Variants in FIGN observed in about 807,000 individuals in gnomAD.
FIGN encodes the protein fidgetin.
In FIGN, 11 loss-of-function variants were observed where a neutral mutation model predicts 51.3. The observed-to-expected ratio is 0.21, with a 90% CI of 0.13 to 0.35. The LOEUF (loss-of-function observed/expected upper bound fraction) is 0.35, where lower values mean the gene tolerates loss of function less well. Ranked by LOEUF, FIGN falls within the 10% of genes least tolerant of loss-of-function variation. The probability of loss-of-function intolerance (pLI) is 1.00; values close to 1 mark genes in which losing one functional copy is unlikely to be tolerated. For synonymous variants in FIGN, 407 were observed against 363.2 expected (o/e 1.12, Z -1.37); for missense variants, 857 against 943.6 (o/e 0.91, Z 1.20).
At chr2:163,716,285 G>C (rs1164277779) in intron 2 of FIGN, among the ~76,000 whole-genome samples, 1 of 152,072 alleles carries the variant, frequency 6.6e-6, no homozygotes, top group African/African-American at 2.4e-5. Flanking sequence ...TGCTAAACCT[G>C]GCTTTTTACA....
intron 2 of FIGN, among the ~76,000 whole-genome samples, chr2:163,681,905 C>T (rs1684071143): frequency 1.3e-5 from 2 of 152,154 alleles, no homozygotes; most frequent in Non-Finnish European, 2.9e-5. Flanking sequence ...ACAATTCTCA[C>T]TAGTCCAGCC....
chr2:163,646,753 T>A (rs1212457784), intron 2 of FIGN, among the ~76,000 whole-genome samples: 1 of 152,218 alleles, frequency 6.6e-6, no homozygotes, highest in African/African-American at 2.4e-5. Flanking sequence ...TGACAATACA[T>A]TGATCTCACA....
At chr2:163,698,571 G>A (rs1448204383) in intron 2 of FIGN, among the ~76,000 whole-genome samples, 1 of 152,074 alleles carries the variant, frequency 6.6e-6, no homozygotes, top group Non-Finnish European at 1.5e-5. Context: ...CTACAGAGTA[G>A]AACACCACCT....
chr2:163,728,254 T>TAA (rs11449804), intron 2 of FIGN, among the ~76,000 whole-genome samples: 1 of 151,790 alleles, frequency 6.6e-6, no homozygotes, highest in African/African-American at 2.4e-5. Flanking sequence ...GATTTCTACA[T>TAA]AAAAATACTC....
chr2:163,637,780 T>C (rs1199235706), intron 2 of FIGN, among the ~76,000 whole-genome samples: 1 of 152,148 alleles, frequency 6.6e-6, no homozygotes, highest in African/African-American at 2.4e-5. Context: ...AGTAAAATGC[T>C]ATGTAAGTAA....
chr2:163,665,912 A>G (rs1051284794), intron 2 of FIGN, among the ~76,000 whole-genome samples: 13 of 152,224 alleles, frequency 8.5e-5, no homozygotes, highest in Non-Finnish European at 1.8e-4. Flanking sequence ...TATTTTTACA[A>G]AGTGCTTTAG....
chr2:163,641,749 A>G (rs960252368), intron 2 of FIGN, among the ~76,000 whole-genome samples: 1 of 152,242 alleles, frequency 6.6e-6, no homozygotes, highest in Admixed American at 6.5e-5. Flanking sequence ...AGCAAATACC[A>G]TGGGCAGTAT....
chr2:163,726,410 A>G (rs1252234123), intron 2 of FIGN, among the ~76,000 whole-genome samples: 1 of 152,126 alleles, frequency 6.6e-6, no homozygotes, highest in African/African-American at 2.4e-5. Context: ...CATGAACAGA[A>G]AGTCAGTTTT....
rs1371959524 is a variant in FIGN at position 163,681,632 on chromosome 2, G to A, written c.25+53271C>T. Among the ~76,000 whole-genome samples the A allele has an allele frequency of 3.9e-5, 6 of 152,304 alleles. No individual in the cohort carries two copies. The East Asian group carries it at 1.2e-3, about 29-fold the overall frequency. The stretch of plus-strand genomic sequence containing the variant: ...ACTGCACGCCTGGCACGATTTTGAA[G>A]CACGATGAAGGGCAAATATGTTTTC... On this transcript the variant is annotated intron_variant, in intron 2 of 2. Transcript: ENST00000333129.
chr2:163,630,678 G>A (rs769327003), intron 2 of FIGN, among the ~76,000 whole-genome samples: 6 of 150,940 alleles, frequency 4.0e-5, no homozygotes, highest in Admixed American at 2.0e-4. Context: ...AAAAAAAAGG[G>A]GGGGGGGAAT....
chr2:163,646,420 G>C (rs1484444531), intron 2 of FIGN, among the ~76,000 whole-genome samples: 1 of 152,054 alleles, frequency 6.6e-6, no homozygotes, highest in Admixed American at 6.6e-5. Flanking sequence ...TGGGGTAGTA[G>C]GTTAAAAAGA....
At chr2:163,695,370 G>C (rs1242129235) in intron 2 of FIGN, among the ~76,000 whole-genome samples, 1 of 152,094 alleles carries the variant, frequency 6.6e-6, no homozygotes, top group South Asian at 2.1e-4. Flanking sequence ...TGCATCTCTA[G>C]CTCATGTAAA....
At chr2:163,635,795 G>A (rs1167465908) in intron 2 of FIGN, among the ~76,000 whole-genome samples, 1 of 151,920 alleles carries the variant, frequency 6.6e-6, no homozygotes, top group Admixed American at 6.6e-5. Context: ...AACTTTGATG[G>A]GTTATTTTAT....
At chr2:163,627,449 G>C (rs1392454207) in intron 2 of FIGN, among the ~76,000 whole-genome samples, 1 of 152,100 alleles carries the variant, frequency 6.6e-6, no homozygotes, top group Non-Finnish European at 1.5e-5. Flanking sequence ...TATAAATCAA[G>C]GGATGGGTCA....
chr2:163,634,215 CATAA>C (rs1056529837), intron 2 of FIGN, among the ~76,000 whole-genome samples: 7 of 151,768 alleles, frequency 4.6e-5, no homozygotes, highest in South Asian at 2.1e-4. Flanking sequence ...AATACTTAAA[CATAA>C]ATAAAGTGAC....
At chr2:163,706,443 A>G (rs974078941) in intron 2 of FIGN, among the ~76,000 whole-genome samples, 1 of 152,130 alleles carries the variant, frequency 6.6e-6, no homozygotes, top group Non-Finnish European at 1.5e-5. Context: ...CAATCCACTC[A>G]AATATTGTAT....
chr2:163,667,937 G>A (rs1001509382), intron 2 of FIGN, among the ~76,000 whole-genome samples: 5 of 150,360 alleles, frequency 3.3e-5, no homozygotes, highest in Non-Finnish European at 5.9e-5. Context: ...AAATAAACAA[G>A]CAAACATTCA....
chr2:163,629,394 G>C (rs555035757), intron 2 of FIGN, among the ~76,000 whole-genome samples: 1 of 152,090 alleles, frequency 6.6e-6, no homozygotes, highest in East Asian at 1.9e-4. Context: ...GGGATCAGAC[G>C]TCATGGTGAG....
At chr2:163,697,495 A>G (rs893227509) in intron 2 of FIGN, among the ~76,000 whole-genome samples, 4 of 152,064 alleles carry the variant, frequency 2.6e-5, no homozygotes, top group Non-Finnish European at 5.9e-5. Context: ...AAATGTATTA[A>G]ATGAGGGTGA....
Sources: allele counts gnomAD v4.1 joint callset (sites outside exome capture counted in the v4.1 genomes callset), GRCh38; gene constraint gnomAD v4.1.1; transcripts MANE v1.5; gene names NCBI Gene and HGNC (gene_info 2026-07-23, HGNC 2026-07-21).